NSFL1C: variants seen among roughly 807,000 people sequenced by gnomAD.
NSFL1C encodes the protein NSFL1 cofactor.
A neutral mutation model predicts 43.1 loss-of-function variants in NSFL1C; 14 were observed. The observed-to-expected ratio is 0.32, with a 90% confidence interval of 0.21 to 0.51. NSFL1C has a LOEUF of 0.51. Among genes scored for constraint, NSFL1C ranks in the 20% least tolerant of loss-of-function variants. The probability of loss-of-function intolerance (pLI) is 0.98; values close to 1 mark genes in which losing one functional copy is unlikely to be tolerated. For synonymous variants in NSFL1C, 171 were observed against 183.5 expected (o/e 0.93, Z 0.55); for missense variants, 406 against 472.5 (o/e 0.86, Z 1.30).
At chr20:1,453,185 T>C in intron 5 of NSFL1C, 45 bp from the exon 6 acceptor site, 1 of 1,138,144 alleles carries the variant, frequency 8.8e-7, no homozygotes, top group African/African-American at 1.5e-5. Context: ...CTGGCAAGCA[T>C]ACCAATTTGA....
chr20:1,445,981 C>T (rs2090051506), intron 7 of NSFL1C, 151 bp from the exon 8 acceptor site: 3 of 764,068 alleles, frequency 3.9e-6, no homozygotes, highest in South Asian at 3.5e-5. Flanking sequence ...AAATCGTGCC[C>T]TTATGGAACT....
intron 3 of NSFL1C, chr20:1,456,546 A>C (rs954476077): frequency 6.6e-6 from 1 of 152,216 alleles, no homozygotes; most frequent in Non-Finnish European, 1.5e-5. Flanking sequence ...TTTCCTTAGG[A>C]ATGTCTGACA....
At position 1,443,887 on chromosome 20, in the gene NSFL1C, G is replaced by C; in HGVS notation, c.975C>G (p.Ile325Met). The change falls in exon 9 of 9, where the codon ATC becomes ATG. Residue 325 changes from isoleucine to methionine, a missense_variant. Physicochemically the swap from Ile to Met is conservative, Grantham distance 10. Transcript: ENST00000216879. ...CAGCCATGGCTGGCCGGGCATCCAC[G>C]ATGAAGAGTCGGATGTCGCTGATCC... is the stretch of plus-strand genomic sequence containing the variant. The part of the protein sequence containing the change: ...SHRISDIRLF[I>M]VDARPAMAAT... 1 of 1,612,780 alleles carries C rather than the reference G, an allele frequency of 6.2e-7. No individual in the cohort carries two copies. Among genetic ancestry groups the C allele is most frequent in the Non-Finnish European group, 8.5e-7 (1 of 1,179,860 alleles).
At chr20:1,456,855 A>G (rs1416229381) in intron 3 of NSFL1C, 1 of 152,258 alleles carries the variant, frequency 6.6e-6, no homozygotes, top group Non-Finnish European at 1.5e-5. Context: ...AAAAAAATCT[A>G]AATGTCAGGC....
chr20:1,450,810 T>A (rs1036755965), intron 7 of NSFL1C, among the ~76,000 whole-genome samples: 3 of 152,232 alleles, frequency 2.0e-5, no homozygotes, highest in Non-Finnish European at 4.4e-5. Flanking sequence ...GCCTAAATGT[T>A]TAACAGCAAG....
chr20:1,458,746 G>T (rs995402509), intron 2 of NSFL1C, among the ~76,000 whole-genome samples: 1 of 152,106 alleles, frequency 6.6e-6, no homozygotes, highest in Non-Finnish European at 1.5e-5. Context: ...TGGGGAAAAG[G>T]GGTTGGTGTA....
At chr20:1,444,250 A>G (rs1423006985) in intron 8 of NSFL1C, among the ~76,000 whole-genome samples, 1 of 152,024 alleles carries the variant, frequency 6.6e-6, no homozygotes, top group Non-Finnish European at 1.5e-5. Context: ...CCCCTGCCTG[A>G]TCCCCTTTCT....
At chr20:1,449,211 CGCTTA>C (rs2090134327) in intron 7 of NSFL1C, among the ~76,000 whole-genome samples, 1 of 152,104 alleles carries the variant, frequency 6.6e-6, no homozygotes, top group Non-Finnish European at 1.5e-5. Context: ...CTTAGCATAG[CGCTTA>C]GCTAACAACA....
intron 7 of NSFL1C, among the ~76,000 whole-genome samples, chr20:1,447,807 A>C (rs2317654): frequency 0.36 from 53,991 of 151,582 alleles, 10,019 homozygotes; most frequent in East Asian, 0.65. Flanking sequence ...ATTTACACCG[A>C]CTCTGTGCAG....
At chr20:1,456,744 G>T (rs1010913234) in intron 3 of NSFL1C, 3 of 151,904 alleles carry the variant, frequency 2.0e-5, no homozygotes, top group African/African-American at 7.3e-5. Context: ...CCTTGACCTG[G>T]TATTTCCATT....
At chr20:1,449,570 G>A (rs556371010) in intron 7 of NSFL1C, among the ~76,000 whole-genome samples, 11 of 152,328 alleles carry the variant, frequency 7.2e-5, no homozygotes, top group Non-Finnish European at 1.2e-4. Context: ...CAACAGCTGG[G>A]CTACTGCTCC....
chr20:1,455,397 A>G (rs1599953896), intron 3 of NSFL1C, among the ~76,000 whole-genome samples: 1 of 152,184 alleles, frequency 6.6e-6, no homozygotes, highest in Admixed American at 6.5e-5. Flanking sequence ...GAGGATAAGG[A>G]TGAGTTTATC....
chr20:1,449,597 A>G (rs1190752484), intron 7 of NSFL1C, among the ~76,000 whole-genome samples: 1 of 152,216 alleles, frequency 6.6e-6, no homozygotes, highest in Non-Finnish European at 1.5e-5. Context: ...GCGGCTGGCC[A>G]TCTGCAGCTG....
At chr20:1,458,884 C>A (rs2090355796) in intron 2 of NSFL1C, among the ~76,000 whole-genome samples, 1 of 151,828 alleles carries the variant, frequency 6.6e-6, no homozygotes, top group African/African-American at 2.4e-5. Flanking sequence ...CTCCAGTGTA[C>A]TTCTGCTGCA....
In NSFL1C at chr20:1,443,595, A is replaced by G. The variant is rs2089994702; in HGVS notation, c.*154T>C. On this transcript the variant is annotated 3_prime_UTR_variant, in exon 9 of 9. Coordinates refer to ENST00000216879, the MANE Select transcript of NSFL1C (RefSeq NM_016143.5). The stretch of plus-strand genomic sequence containing the variant: ...AGGAAATGCAACTAAGGAGAAAACA[A>G]ACGTCCAACCAAGATCTAAGAACCC... The G allele has an allele frequency of 1.6e-6, 1 of 633,656 alleles. No homozygotes were observed. Among genetic ancestry groups the G allele is most frequent in the Middle Eastern group, 3.9e-4 (1 of 2,594 alleles). The allele number at this position is 633,656 out of a possible 1,614,324, so 39.3% of individuals were successfully genotyped here. A position where few individuals can be genotyped will look rare whatever the true frequency, so the allele number is the denominator to read the frequency against.
At position 1,454,980 on chromosome 20, in the gene NSFL1C, G is replaced by C; in HGVS notation, c.431C>G (p.Thr144Ser). The C allele has an allele frequency of 3.1e-6, 5 of 1,613,652 alleles. No homozygotes were observed. Among genetic ancestry groups the C allele is most frequent in the Non-Finnish European group, 4.2e-6 (5 of 1,180,008 alleles). Residue 144 changes from threonine (T) to serine (S), a missense_variant, in exon 4 of 9, where the codon ACC becomes AGC. Thr to Ser is a moderately conservative substitution (Grantham distance 58). Coordinates refer to ENST00000216879, the MANE Select transcript of NSFL1C (RefSeq NM_016143.5). Reference sequence around the variant, plus strand: ...CCTTATACTCACTCTCGGTTTACTGGTCTCTCCAGGGCTCTTGGTCACTCG... The same window carrying C: ...CCTTATACTCACTCTCGGTTTACTGCTCTCTCCAGGGCTCTTGGTCACTCG... ...VERVTKSPGE[T>S]SKPRPFAGGG...
chr20:1,444,804 T>C (rs958875747), intron 8 of NSFL1C, among the ~76,000 whole-genome samples: 1 of 152,154 alleles, frequency 6.6e-6, no homozygotes, highest in Non-Finnish European at 1.5e-5. Flanking sequence ...CTCACATCAC[T>C]GGGATGGGTC....
intron 8 of NSFL1C, among the ~76,000 whole-genome samples, chr20:1,444,850 T>C (rs1409090009): frequency 6.6e-6 from 1 of 152,186 alleles, no homozygotes; most frequent in Non-Finnish European, 1.5e-5. Context: ...GTGTAATGAA[T>C]GTTCCTGATG....
chr20:1,445,220 A>C (rs1427973733), intron 8 of NSFL1C, among the ~76,000 whole-genome samples: 1 of 152,152 alleles, frequency 6.6e-6, no homozygotes, highest in African/African-American at 2.4e-5. Context: ...TCTAGAAGAG[A>C]TCTTCCTGGC....
Sources: gnomAD v4.1 joint callset for allele counts (sites outside exome capture counted in the v4.1 genomes callset) on GRCh38, gnomAD v4.1.1 for gene constraint, MANE v1.5 for transcripts, NCBI Gene and HGNC (gene_info 2026-07-23, HGNC 2026-07-21) for gene names.